ATP6V0A2: variants seen among roughly 807,000 people sequenced by gnomAD.
ATP6V0A2 encodes the protein ATPase H+ transporting V0 subunit a2, also known as V-type proton ATPase 116 kDa subunit a 2.
A neutral mutation model predicts 104.4 loss-of-function variants in ATP6V0A2; 58 were observed. The ratio of observed to expected loss-of-function variants is 0.56; its 90% CI spans 0.45 to 0.69. The LOEUF (loss-of-function observed/expected upper bound fraction) is 0.69. Among genes scored for constraint, ATP6V0A2 ranks in the 30% least tolerant of loss-of-function variants. The probability of loss-of-function intolerance (pLI) is 0.00; values close to 1 mark genes in which losing one functional copy is unlikely to be tolerated. For missense variants in ATP6V0A2, 938 were observed against 1,062.9 expected, an observed-to-expected ratio of 0.88 and a Z score of 1.63; for synonymous variants, 376 against 397.9, an observed-to-expected ratio of 0.95 and a Z score of 0.65.
chr12:123,732,064 C>G (rs1593897724), intron 6 of ATP6V0A2: 1 of 151,754 alleles, frequency 6.6e-6, no homozygotes, highest in Admixed American at 6.6e-5. Flanking sequence ...TTTTAAGTAT[C>G]TGGAAGACCG....
At position 123,712,396 on chromosome 12, in the gene ATP6V0A2, C is replaced by A. The variant is rs540324717; in HGVS notation, c.-170C>A. ...GTGGCGGCAGCTGGAGCGGCGGCCGCGGTGGCAGAACCGGGGGCGGCCGCT... is the reference window on the plus strand; with the variant it reads ...GTGGCGGCAGCTGGAGCGGCGGCCGAGGTGGCAGAACCGGGGGCGGCCGCT... On this transcript the variant is annotated 5_prime_UTR_variant, in exon 1 of 20. Transcript: ENST00000330342. 6.9e-4 allele frequency: 256 copies of A among 372,246 alleles called. 1 individual carries two copies. Among genetic ancestry groups the A allele is most frequent in the Middle Eastern group, 1.4e-3 (2 of 1,410 alleles). 23.1% of individuals were successfully genotyped at this position (372,246 alleles called of 1,614,324 possible).
At chr12:123,738,581 G>A (rs1956579323) in intron 9 of ATP6V0A2, among the ~76,000 whole-genome samples, 2 of 152,116 alleles carry the variant, frequency 1.3e-5, no homozygotes, top group Admixed American at 1.3e-4. Flanking sequence ...GTTTCTGTTT[G>A]TTTATTTGTT....
rs1025939692 is a variant in ATP6V0A2 at position 123,758,698 on chromosome 12, T to C, written c.*666T>C. The C allele has an allele frequency of 2.0e-5, 3 of 152,096 alleles. No homozygotes were observed. Among genetic ancestry groups the C allele is most frequent in the Non-Finnish European group, 4.4e-5 (3 of 68,068 alleles). 9.4% of individuals were successfully genotyped at this position (152,096 alleles called of 1,614,324 possible). A position where few individuals can be genotyped will look rare whatever the true frequency, so the allele number is the denominator to read the frequency against. On this transcript the variant is annotated 3_prime_UTR_variant, in exon 20 of 20. Transcript: ENST00000330342. The stretch of plus-strand genomic sequence containing the variant: ...ACCGTGACCAGCTAATTTTTTTGTA[T>C]TTTTGTAGAGATGGGGTTTCACCAT...
At position 123,712,643 on chromosome 12, in the gene ATP6V0A2, C is replaced by G. The variant is rs1216649884; in HGVS notation, c.78C>G (p.Leu26=). ...FLQSGTAYEC[L]SALGEKGLVQ... is the part of the protein sequence containing the mutation. Reference sequence around the variant, plus strand: ...AGTCGGGCACGGCCTACGAGTGCCTCAGCGCCCTGGGCGAGAAAGGCCTGG... The same window carrying G: ...AGTCGGGCACGGCCTACGAGTGCCTGAGCGCCCTGGGCGAGAAAGGCCTGG... The change falls in exon 1 of 20, where the codon CTC becomes CTG. Residue 26 remains leucine, a synonymous_variant. Transcript: ENST00000330342. The G allele has an allele frequency of 1.2e-6, 2 of 1,609,222 alleles. No individual in the cohort carries two copies. Among genetic ancestry groups the G allele is most frequent in the South Asian group, 1.1e-5 (1 of 90,384 alleles).
rs1423627318 is a variant in ATP6V0A2 at position 123,735,411 on chromosome 12, C to T, written c.732-120C>T. On this transcript the variant is annotated intron_variant, in intron 7 of 19. Transcript: ENST00000330342. Reference sequence around the variant, plus strand: ...GACCAAGGGCAGATGACTGCATCTGCACCCGTGTCTCCCAAACGGCTGCTT... The same window carrying T: ...GACCAAGGGCAGATGACTGCATCTGTACCCGTGTCTCCCAAACGGCTGCTT... 7 of 861,690 alleles carry T rather than the reference C, an allele frequency of 8.1e-6. No homozygotes were observed. The Admixed American group carries it at 1.1e-4, about 14-fold the overall frequency. 53.4% of individuals were successfully genotyped at this position (861,690 alleles called of 1,614,324 possible).
chr12:123,736,613 T>C (rs1277885723), intron 8 of ATP6V0A2, among the ~76,000 whole-genome samples: 2 of 152,260 alleles, frequency 1.3e-5, no homozygotes, highest in African/African-American at 4.8e-5. Context: ...CTTGTTGGCA[T>C]GAAGTGTCCT....
Position 123,733,961 on chromosome 12 carries a change from C to T in ATP6V0A2, c.684C>T (p.Ser228=). ...TAAAATGGTATGTCTTTTTAATATC[C>T]TTTTGGGGAGAGCAGATTGGCCACA... The part of the protein sequence containing the change: ...EVIKWYVFLI[S]FWGEQIGHKV... The change falls in exon 7 of 20, where the codon TCC becomes TCT. Residue 228 remains serine, a synonymous_variant. Transcript: ENST00000330342. The T allele has an allele frequency of 6.2e-7, 1 of 1,613,364 alleles. No individual in the cohort carries two copies. Among genetic ancestry groups the T allele is most frequent in the Non-Finnish European group, 8.5e-7 (1 of 1,179,398 alleles).
chr12:123,746,741 GT>G (rs1037288797), intron 13 of ATP6V0A2, among the ~76,000 whole-genome samples: 1 of 151,578 alleles, frequency 6.6e-6, no homozygotes, highest in African/African-American at 2.4e-5. Flanking sequence ...GAGGTCAGGA[GT>G]TTGAGACCAG....
At chr12:123,748,852 T>C (rs1388014413) in intron 15 of ATP6V0A2, 67 bp downstream of exon 15, 2 of 1,468,278 alleles carry the variant, frequency 1.4e-6, no homozygotes, top group East Asian at 4.5e-5. Flanking sequence ...TTCTGAGCAG[T>C]AGAAGTGTTG....
At chr12:123,735,165 GTCTGTGTGTGTCTGT>G (rs1464926502) in intron 7 of ATP6V0A2, among the ~76,000 whole-genome samples, 19 of 117,718 alleles carry the variant, frequency 1.6e-4, no homozygotes, top group Non-Finnish European at 3.6e-4. Context: ...GTGTGTGTGT[GTCTGTGTGTGTCTGT>G]TGTGTGTCTG....
chr12:123,729,433 G>A (rs542112022), intron 6 of ATP6V0A2, among the ~76,000 whole-genome samples: 1 of 149,028 alleles, frequency 6.7e-6, no homozygotes, highest in East Asian at 2.1e-4. Context: ...AGTAGCTTGG[G>A]GACACACACA....
At chr12:123,712,980 G>A (rs1170480552) in intron 1 of ATP6V0A2, among the ~76,000 whole-genome samples, 1 of 152,176 alleles carries the variant, frequency 6.6e-6, no homozygotes, top group African/African-American at 2.4e-5. Context: ...ATCCCACAAA[G>A]GCCTCTTGGA....
chr12:123,735,527 C>G lies in ATP6V0A2; in HGVS notation c.732-4C>G. ...TGAGACTGTGTTCAACTCTTGTCTTCCAGCTACCACTGCCACGTGTACCCC... is the reference window on the plus strand; with the variant it reads ...TGAGACTGTGTTCAACTCTTGTCTTGCAGCTACCACTGCCACGTGTACCCC... On this transcript the variant is annotated splice_polypyrimidine_tract_variant and splice_region_variant and intron_variant, in intron 7 of 19. Coordinates refer to ENST00000330342, the MANE Select transcript of ATP6V0A2 (RefSeq NM_012463.4). The G allele has an allele frequency of 6.2e-7, 1 of 1,613,574 alleles. No homozygotes were observed. Among genetic ancestry groups the G allele is most frequent in the South Asian group, 1.1e-5 (1 of 91,062 alleles).
intron 18 of ATP6V0A2, 77 bp from the exon 19 acceptor site, chr12:123,756,738 A>G (rs944889659): frequency 1.3e-6 from 2 of 1,517,922 alleles, no homozygotes; most frequent in Non-Finnish European, 1.8e-6. Flanking sequence ...TCAGGGGGAA[A>G]CTCAGTCCAG....
intron 4 of ATP6V0A2, 24 bp downstream of exon 4, chr12:123,724,815 T>TA: frequency 6.2e-7 from 1 of 1,608,842 alleles, no homozygotes. Context: ...CGTGAGGAAA[T>TA]ACAGCTGTTT....
chr12:123,752,234 C>T (rs772197786), intron 16 of ATP6V0A2, 49 bp from the exon 17 acceptor site: 23 of 1,613,044 alleles, frequency 1.4e-5, no homozygotes, highest in Non-Finnish European at 1.8e-5. Flanking sequence ...GGTTTTGTCA[C>T]AACCTTGTGG....
At chr12:123,749,805 A>G (rs1293796029) in intron 15 of ATP6V0A2, among the ~76,000 whole-genome samples, 2 of 152,156 alleles carry the variant, frequency 1.3e-5, no homozygotes, top group Non-Finnish European at 2.9e-5. Flanking sequence ...CCCAGTCGGT[A>G]GTATCAGAGC....
intron 13 of ATP6V0A2, 112 bp from the exon 14 acceptor site, chr12:123,747,495 G>A: frequency 2.5e-6 from 2 of 788,888 alleles, no homozygotes; most frequent in Admixed American, 1.8e-5. Flanking sequence ...CCTGAATATT[G>A]TTTCCTTCTT....
intron 8 of ATP6V0A2, 101 bp downstream of exon 8, chr12:123,735,725 C>G: frequency 9.8e-7 from 1 of 1,015,758 alleles, no homozygotes; most frequent in Non-Finnish European, 1.5e-6. Context: ...TGGTCGTAGA[C>G]AAATCAAGAT....
Sources: allele counts gnomAD v4.1 joint callset (sites outside exome capture counted in the v4.1 genomes callset), GRCh38; gene constraint gnomAD v4.1.1; transcripts MANE v1.5; gene names NCBI Gene and HGNC (gene_info 2026-07-23, HGNC 2026-07-21).